Variants in LPIN1 observed in about 807,000 individuals in gnomAD.
LPIN1 encodes phosphatidate phosphatase LPIN1.
In LPIN1, 71 loss-of-function variants were observed where a neutral mutation model predicts 107.5. The observed-to-expected ratio is 0.66, with a 90% CI of 0.55 to 0.80. LPIN1 has a LOEUF of 0.80. LPIN1 is among the 30% of genes least tolerant of loss of function. The pLI, the probability that LPIN1 is intolerant of heterozygous loss-of-function variation, is 0.00. For missense variants in LPIN1, 1,043 were observed against 1,160.6 expected (o/e 0.90, Z 1.47); for synonymous variants, 445 against 452.6 (o/e 0.98, Z 0.21).
chr2:11,767,759 T>C lies in LPIN1; in HGVS notation c.193-4T>C. Reference sequence around the variant, plus strand: ...TTCTTTTCTTAACCATGTTTTCCCTTCAGGTTGACATAGAAATCAATGGGG... The same window carrying C: ...TTCTTTTCTTAACCATGTTTTCCCTCCAGGTTGACATAGAAATCAATGGGG... On this transcript the variant is annotated splice_region_variant and splice_polypyrimidine_tract_variant and intron_variant, in intron 2 of 20. Transcript: ENST00000674199. 6.3e-7 allele frequency: 1 copy of C among 1,591,798 alleles called. No homozygotes were observed. The highest frequency in any genetic ancestry group is 8.6e-7 in the Non-Finnish European group (1 of 1,159,580).
At chr2:11,750,533 C>G (rs79955157) in intron 1 of LPIN1, among the ~76,000 whole-genome samples, 1 of 152,086 alleles carries the variant, frequency 6.6e-6, no homozygotes, top group Non-Finnish European at 1.5e-5. Flanking sequence ...ATTCAAAGAC[C>G]GGATTTTGTC....
In LPIN1 at chr2:11,770,589, C is replaced by G. The variant is rs575844274; in HGVS notation, c.289-783C>G. Among the ~76,000 whole-genome samples, 108 of 152,356 alleles carry G rather than the reference C, an allele frequency of 7.1e-4. No homozygotes were observed. The South Asian group carries it at 8.1e-3, about 11-fold the overall frequency. On this transcript the variant is annotated intron_variant, in intron 3 of 20. Coordinates refer to ENST00000674199, the MANE Select transcript of LPIN1 (RefSeq NM_001349206.2). ...ATTCTATTTCAGCATGTCTGATGCT[C>G]TCCAAACCTATTTGAATGATCAGCA... is the stretch of plus-strand genomic sequence containing the variant.
chr2:11,817,968 C>T (rs1245536890), intron 18 of LPIN1: 2 of 151,880 alleles, frequency 1.3e-5, no homozygotes, highest in African/African-American at 4.9e-5. Flanking sequence ...AAAGACTGCC[C>T]TGCCCTTGCT....
chr2:11,811,081 G>C (rs1679563345), intron 17 of LPIN1, among the ~76,000 whole-genome samples: 2 of 152,270 alleles, frequency 1.3e-5, no homozygotes, highest in South Asian at 4.1e-4. Flanking sequence ...GGTCCCACCT[G>C]TCCTTCTGGG....
chr2:11,759,130 T>C (rs1669133180), intron 1 of LPIN1, among the ~76,000 whole-genome samples: 1 of 134,100 alleles, frequency 7.5e-6, no homozygotes, highest in East Asian at 2.0e-4. Context: ...CTTGCTTTCT[T>C]TCTTTTCTTT....
At chr2:11,717,366 T>C (rs772736055) in intron 2 of LPIN1, among the ~76,000 whole-genome samples, 6 of 152,212 alleles carry the variant, frequency 3.9e-5, no homozygotes, top group Non-Finnish European at 7.3e-5. Context: ...GTTTGTTCTA[T>C]GTTCAGATAC....
chr2:11,781,057 G>GT (rs1673493820), intron 7 of LPIN1, among the ~76,000 whole-genome samples: 1 of 152,146 alleles, frequency 6.6e-6, no homozygotes, highest in South Asian at 2.1e-4. Flanking sequence ...AAAAAATATT[G>GT]TAAGGTCCTT....
chr2:11,804,311 C>A (rs990946376), intron 15 of LPIN1, 112 bp from the exon 16 acceptor site: 42 of 1,094,776 alleles, frequency 3.8e-5, no homozygotes, highest in Admixed American at 3.1e-4. Context: ...GGGCCCAGGG[C>A]AGTCACTTGT....
intron 17 of LPIN1, 36 bp downstream of exon 17, chr2:11,805,192 A>G: frequency 6.8e-7 from 1 of 1,477,114 alleles, no homozygotes. Flanking sequence ...CCTCCTGTGA[A>G]CGCTGGTGTG....
chr2:11,808,483 C>T (rs1238602147), intron 17 of LPIN1, among the ~76,000 whole-genome samples: 7 of 152,106 alleles, frequency 4.6e-5, no homozygotes, highest in African/African-American at 9.7e-5. Flanking sequence ...GAAAAGATGC[C>T]GTTTACATGA....
At chr2:11,699,634 G>A (rs1016215587) in intron 1 of LPIN1, among the ~76,000 whole-genome samples, 4 of 152,166 alleles carry the variant, frequency 2.6e-5, no homozygotes, top group African/African-American at 9.7e-5. Flanking sequence ...GGTTGACTGT[G>A]TGCAGTCACG....
At chr2:11,724,281 G>C (rs1664378591), upstream of LPIN1, 10 of 914,364 alleles carry the variant, frequency 1.1e-5, no homozygotes, top group Non-Finnish European at 1.3e-5. Context: ...TAGTCCCCGT[G>C]GGGGGCATCA....
chr2:11,716,440 C>CCT (rs915124606), intron 2 of LPIN1, among the ~76,000 whole-genome samples: 40 of 151,960 alleles, frequency 2.6e-4, no homozygotes, highest in African/African-American at 2.4e-4. Flanking sequence ...CTCCCAGTCT[C>CCT]CTCTCTCTCT....
At chr2:11,682,554 G>A (rs1302645096) in intron 1 of LPIN1, 1 of 152,346 alleles carries the variant, frequency 6.6e-6, no homozygotes, top group East Asian at 1.9e-4. Context: ...TTGGGGATAG[G>A]AGCTCCCGTC....
chr2:11,820,496 C>T lies in LPIN1; in HGVS notation c.2603C>T (p.Ala868Val). 1 of 1,609,606 alleles carries T rather than the reference C, an allele frequency of 6.2e-7. No individual in the cohort carries two copies. Among genetic ancestry groups the T allele is most frequent in the African/African-American group, 1.3e-5 (1 of 74,932 alleles). ...NPKGELVQEH[A>V]KTNISSYVRL... ...AAAGGAGAGCTGGTACAGGAACATG[C>T]AAAGACCAACATCTCTTCGTGAGTA... The change falls in exon 20 of 21, where the codon GCA becomes GTA. Residue 868 changes from alanine to valine, a missense_variant. Coordinates refer to ENST00000674199, the MANE Select transcript of LPIN1 (RefSeq NM_001349206.2).
intron 1 of LPIN1, among the ~76,000 whole-genome samples, chr2:11,737,265 T>TA (rs2148553324): frequency 6.6e-6 from 1 of 152,246 alleles, no homozygotes; most frequent in Non-Finnish European, 1.5e-5. Context: ...ACATAAGACC[T>TA]AAAACCATAA....
intron 14 of LPIN1, among the ~76,000 whole-genome samples, chr2:11,795,782 T>C (rs1243757403): frequency 3.9e-5 from 6 of 152,194 alleles, no homozygotes; most frequent in African/African-American, 1.4e-4. Context: ...ATGATGATGA[T>C]GACAATAATA....
At chr2:11,741,110 G>A (rs1160594410) in intron 1 of LPIN1, 5 of 366,078 alleles carry the variant, frequency 1.4e-5, no homozygotes, top group Admixed American at 4.6e-5. Flanking sequence ...GGCCTTCACA[G>A]CAGCACAAAT....
At chr2:11,735,801 G>A (rs1045017240) in intron 1 of LPIN1, among the ~76,000 whole-genome samples, 5 of 152,212 alleles carry the variant, frequency 3.3e-5, no homozygotes, top group African/African-American at 1.2e-4. Context: ...AGCAAATTCA[G>A]TCTTTTTCTG....
Sources: allele counts gnomAD v4.1 joint callset (sites outside exome capture counted in the v4.1 genomes callset), GRCh38; gene constraint gnomAD v4.1.1; transcripts MANE v1.5; gene names NCBI Gene and HGNC (gene_info 2026-07-23, HGNC 2026-07-21).